DHX57: variants seen among roughly 807,000 people sequenced by gnomAD.
DHX57 encodes DExH-box helicase 57, also known as putative ATP-dependent RNA helicase DHX57.
A neutral mutation model predicts 156.2 loss-of-function variants in DHX57; 105 were observed. The ratio of observed to expected loss-of-function variants is 0.67; its 90% CI spans 0.57 to 0.79. The LOEUF is 0.79. Ranked by LOEUF, DHX57 falls within the 30% of genes least tolerant of loss-of-function variation. The probability of loss-of-function intolerance (pLI) is 0.00; values close to 1 mark genes in which losing one functional copy is unlikely to be tolerated. For missense variants in DHX57, 1,847 were observed against 1,661.9 expected, an observed-to-expected ratio of 1.11 and a Z score of -1.94; for synonymous variants, 704 against 595.6, an observed-to-expected ratio of 1.18 and a Z score of -2.65.
intron 16 of DHX57, among the ~76,000 whole-genome samples, chr2:38,823,973 T>A (rs1419197683): frequency 6.6e-6 from 1 of 151,734 alleles, no homozygotes; most frequent in African/African-American, 2.4e-5. Context: ...ATCATGCCAC[T>A]GCACTCTAGC....
intron 10 of DHX57, 142 bp from the exon 11 acceptor site, chr2:38,847,215 A>C (rs1456056670): frequency 3.0e-6 from 2 of 656,704 alleles, no homozygotes; most frequent in African/African-American, 3.7e-5. Context: ...TCAAGAAGAA[A>C]AGTTCTGGTA....
intron 21 of DHX57, chr2:38,810,570 G>C (rs919267330): frequency 5.1e-6 from 3 of 585,138 alleles, no homozygotes; most frequent in Non-Finnish European, 9.7e-6. Context: ...CTCCACTGTA[G>C]AGAGACAGTG....
chr2:38,842,872 A>C, intron 12 of DHX57, 133 bp downstream of exon 12: 1 of 895,928 alleles, frequency 1.1e-6, no homozygotes, highest in Non-Finnish European at 1.7e-6. Context: ...TTCTAGGTTT[A>C]AGGTTGCTCT....
At position 38,828,377 on chromosome 2, in the gene DHX57, G is replaced by C. The variant is rs775025344; in HGVS notation, c.2602C>G (p.Gln868Glu). 6.2e-7 allele frequency: 1 copy of C among 1,613,528 alleles called. No individual in the cohort carries two copies. Among genetic ancestry groups the C allele is most frequent in the East Asian group, 2.2e-5 (1 of 44,842 alleles). The change falls in exon 14 of 24, where the codon CAG becomes GAG. Residue 868 changes from glutamine to glutamate, a missense_variant. Physicochemically the swap from Gln to Glu is conservative, Grantham distance 29. Coordinates refer to ENST00000457308, the MANE Select transcript of DHX57 (RefSeq NM_198963.3). ...CTGTTGTTGAAAAGAGAATTAGACT[G>C]TAGCTGTTCATAAAGCATTTTGATT... The part of the protein sequence containing the change: ...AEIKMLYEQL[Q>E]SNSLFNNRRS...
At position 38,831,750 on chromosome 2, in the gene DHX57, G is replaced by A. The variant is rs140259916; in HGVS notation, c.2543-3314C>T. Among the ~76,000 whole-genome samples the A allele has an allele frequency of 4.1e-3, 616 of 151,732 alleles. 16 individuals are homozygous for A. The East Asian group carries it at 0.056, about 14-fold the overall frequency. On this transcript the variant is annotated intron_variant, in intron 13 of 23. Transcript: ENST00000457308. Reference sequence around the variant, plus strand: ...CGTGCACCTGTAATCCCAGCTACTCGGGAGGCTGAGGCAGGAGAATCACTT... The same window carrying A: ...CGTGCACCTGTAATCCCAGCTACTCAGGAGGCTGAGGCAGGAGAATCACTT...
At chr2:38,807,992 G>T (rs1670046176) in intron 21 of DHX57, among the ~76,000 whole-genome samples, 1 of 88,332 alleles carries the variant, frequency 1.1e-5, no homozygotes, top group African/African-American at 4.5e-5. Context: ...GTCTTGTTGT[G>T]TCACCAGGCT....
intron 21 of DHX57, among the ~76,000 whole-genome samples, chr2:38,812,974 A>C (rs1670347797): frequency 6.6e-6 from 1 of 151,710 alleles, no homozygotes; most frequent in Non-Finnish European, 1.5e-5. Context: ...CAGCCTCCTG[A>C]GTAGCTGGGA....
In DHX57 at chr2:38,813,913, C is replaced by T. The variant is rs1182537716; in HGVS notation, c.3607-18G>A. 2 of 1,610,594 alleles carry T rather than the reference C, an allele frequency of 1.2e-6. No individual in the cohort carries two copies. Among genetic ancestry groups the T allele is most frequent in the Non-Finnish European group, 1.7e-6 (2 of 1,177,606 alleles). ...GAGTTTGCCTATGAGAAAAGCACAG[C>T]ATTAATTAACAAGTGATATGGCTAT... On this transcript the variant is annotated intron_variant, in intron 20 of 23. Transcript: ENST00000457308.
intron 6 of DHX57, chr2:38,856,952 G>A (rs1672934164): frequency 6.5e-6 from 1 of 153,380 alleles, no homozygotes; most frequent in African/African-American, 2.4e-5. Context: ...CTGTACATTA[G>A]TTTTCCAACA....
chr2:38,838,749 G>C (rs895537110), intron 12 of DHX57: 2 of 454,550 alleles, frequency 4.4e-6, no homozygotes, highest in Non-Finnish European at 8.8e-6. Flanking sequence ...GTTCCTTTGA[G>C]AAAATGATAA....
rs754853178 is a variant in DHX57 at position 38,856,500 on chromosome 2, T to C, written c.1588-39A>G. ...AGATAAGATATCAGTTGGGTTACTT[T>C]TTCTTTTTTTTTTTTTTTTTTTGAG... On this transcript the variant is annotated intron_variant, in intron 6 of 23. Coordinates refer to ENST00000457308, the MANE Select transcript of DHX57 (RefSeq NM_198963.3). 13 of 1,558,684 alleles carry C rather than the reference T, an allele frequency of 8.3e-6. No individual in the cohort carries two copies. In the African/African-American group the frequency reaches 1.5e-4, roughly 18 times the overall value.
rs747055396 is a variant in DHX57 at position 38,826,555 on chromosome 2, A to T, written c.2774T>A (p.Val925Asp). Residue 925 changes from valine (V) to aspartate (D), a missense_variant, in exon 15 of 24, where the codon GTT (valine) becomes GAT (aspartate). Coordinates refer to ENST00000457308, the MANE Select transcript of DHX57 (RefSeq NM_198963.3). ...IAETSITIDDVVYVIDSGKMK... is the reference protein window; with the variant it reads ...IAETSITIDDDVYVIDSGKMK... ...TTTCCCAGAATCGATAACATAGACA[A>T]CATCATCGATGGTTATGGATGTCTC... 1 of 1,614,138 alleles carries T rather than the reference A, an allele frequency of 6.2e-7. No individual in the cohort carries two copies. The highest frequency in any genetic ancestry group is 8.5e-7 in the Non-Finnish European group (1 of 1,180,016).
At chr2:38,852,639 CATG>C (rs1483965950) in intron 9 of DHX57, among the ~76,000 whole-genome samples, 4 of 143,882 alleles carry the variant, frequency 2.8e-5, no homozygotes, top group Non-Finnish European at 6.0e-5. Flanking sequence ...GATGGAGTCT[CATG>C]ATATTTCCCA....
chr2:38,814,230 G>A (rs1364577745), intron 20 of DHX57, among the ~76,000 whole-genome samples: 2 of 152,122 alleles, frequency 1.3e-5, no homozygotes, highest in Admixed American at 1.3e-4. Context: ...GAGCCACTGC[G>A]TCTGGCTCTA....
chr2:38,837,514 G>C (rs1413518265), intron 13 of DHX57, among the ~76,000 whole-genome samples: 1 of 147,102 alleles, frequency 6.8e-6, no homozygotes, highest in Non-Finnish European at 1.5e-5. Flanking sequence ...AGGAGGCTGA[G>C]GCAGGAGAAT....
At chr2:38,811,469 C>G in intron 21 of DHX57, 3 of 668,096 alleles carry the variant, frequency 4.5e-6, no homozygotes, top group South Asian at 4.2e-5. Context: ...TGCTGACGTC[C>G]TCAATGAACA....
intron 8 of DHX57, chr2:38,854,382 C>A: frequency 5.0e-6 from 2 of 398,264 alleles, no homozygotes; most frequent in Non-Finnish European, 8.9e-6. Flanking sequence ...TTAAGATTTT[C>A]ATAAAAAGCA....
intron 12 of DHX57, among the ~76,000 whole-genome samples, chr2:38,838,371 G>A (rs556849479): frequency 6.6e-6 from 1 of 152,148 alleles, no homozygotes; most frequent in South Asian, 2.1e-4. Context: ...AAAGTGCTGG[G>A]ATTACAGCCA....
rs1482127865 is a variant in DHX57 at position 38,861,043 on chromosome 2, G to A, written c.1367C>T (p.Thr456Ile). Residue 456 changes from threonine (T) to isoleucine (I), a missense_variant, in exon 5 of 24, where the codon ACA (threonine) becomes ATA (isoleucine). Thr to Ile is a moderately conservative substitution (Grantham distance 89, BLOSUM62 -1). Transcript: ENST00000457308. ...AACAAAAGAATTATTTGGAATCACT[G>A]TTTTATGACAGGCAGGATTATTTAT... ...TRINNPACHK[T>I]VIPNNSFVSN... The A allele has an allele frequency of 1.2e-6, 2 of 1,614,038 alleles. No individual in the cohort carries two copies. Among genetic ancestry groups the A allele is most frequent in the Non-Finnish European group, 1.7e-6 (2 of 1,180,000 alleles).
Sources: allele counts gnomAD v4.1 joint callset (sites outside exome capture counted in the v4.1 genomes callset), GRCh38; gene constraint gnomAD v4.1.1; transcripts MANE v1.5; gene names NCBI Gene and HGNC (gene_info 2026-07-23, HGNC 2026-07-21).